Variants in MICAL3 observed in about 807,000 individuals in gnomAD.
The protein encoded by MICAL3 is [F-actin]-monooxygenase MICAL3.
In MICAL3, 62 loss-of-function variants were observed where a neutral mutation model predicts 207.4. The ratio of observed to expected loss-of-function variants is 0.30; its 90% confidence interval spans 0.24 to 0.37. MICAL3 has a LOEUF of 0.37. Among genes scored for constraint, MICAL3 ranks in the 10% least tolerant of loss-of-function variants. The pLI is 1.00. For synonymous variants in MICAL3, 1,077 were observed against 1,069.3 expected (o/e 1.01, Z -0.14); for missense variants, 2,368 against 2,635.6 (o/e 0.90, Z 2.22).
intron 19 of MICAL3, among the ~76,000 whole-genome samples, chr22:17,854,041 T>C (rs1276850007): frequency 1.3e-5 from 2 of 152,170 alleles, no homozygotes; most frequent in South Asian, 4.1e-4. Context: ...CACCATCCTC[T>C]ATCCTGATGG....
chr22:17,961,422 C>A (rs1934908173), intron 1 of MICAL3, among the ~76,000 whole-genome samples: 1 of 152,162 alleles, frequency 6.6e-6, no homozygotes, highest in Non-Finnish European at 1.5e-5. Context: ...GCAACAGACA[C>A]CTAGTGGAGG....
intron 1 of MICAL3, among the ~76,000 whole-genome samples, chr22:17,993,839 C>A (rs1453695549): frequency 2.8e-5 from 2 of 72,444 alleles, no homozygotes; most frequent in African/African-American, 9.8e-5. Context: ...GAAGCGGTGA[C>A]CCCCCAGGAC....
rs1295915408 is a variant in MICAL3 at position 17,817,962 on chromosome 22, T to A, written c.4699A>T (p.Arg1567Trp). The A allele has an allele frequency of 6.2e-7, 1 of 1,612,414 alleles. No homozygotes were observed. The highest frequency in any genetic ancestry group is 2.2e-5 in the East Asian group (1 of 44,852). Residue 1567 changes from arginine to tryptophan, a missense_variant, in exon 26 of 32, where the codon AGG (arginine) becomes TGG (tryptophan). This residue lies in a region of MICAL3 where 1,770 missense variants were observed against 1,863.2 expected (regional missense o/e 0.95). Transcript: ENST00000441493. Reference sequence around the variant, plus strand: ...AGCGTCCCCTCCAGAGCAGGCAGCCTCCCGTTCTCCTTGGCCAGGGGCGGG... The same window carrying A: ...AGCGTCCCCTCCAGAGCAGGCAGCCACCCGTTCTCCTTGGCCAGGGGCGGG... The part of the protein sequence containing the change: ...RHPPLAKENG[R>W]LPALEGTLQP...
At chr22:18,002,431 G>A (rs1413889031) in intron 1 of MICAL3, among the ~76,000 whole-genome samples, 9 of 151,714 alleles carry the variant, frequency 5.9e-5, no homozygotes, top group Admixed American at 6.6e-5. Context: ...TCAGGAGCTC[G>A]AGGCCGGCCT....
At chr22:17,852,087 A>G (rs1050945190) in intron 19 of MICAL3, among the ~76,000 whole-genome samples, 4 of 152,168 alleles carry the variant, frequency 2.6e-5, no homozygotes, top group Non-Finnish European at 5.9e-5. Context: ...CCCTCCTGTG[A>G]GCAGCCACAC....
At chr22:17,859,286 T>TG (rs1910974620) in intron 19 of MICAL3, among the ~76,000 whole-genome samples, 1 of 152,222 alleles carries the variant, frequency 6.6e-6, no homozygotes, top group South Asian at 2.1e-4. Flanking sequence ...CCAAGAGAGC[T>TG]GCTTCAGGGG....
intron 24 of MICAL3, 27 bp from the exon 25 acceptor site, chr22:17,821,536 C>G: frequency 6.6e-7 from 1 of 1,523,882 alleles, no homozygotes; most frequent in Admixed American, 2.2e-5. Context: ...CAGGGACTTA[C>G]AAGAGGAAGC....
At position 17,818,654 on chromosome 22, in the gene MICAL3, C is replaced by A; in HGVS notation, c.4007G>T (p.Arg1336Leu). The A allele has an allele frequency of 1.2e-6, 2 of 1,613,646 alleles. No individual in the cohort carries two copies. Among genetic ancestry groups the A allele is most frequent in the African/African-American group, 1.3e-5 (1 of 75,066 alleles). ...GTCCACAGGTGTGAGCCCGAGGCTG[C>A]GGCGGATCTCCGCACTCTTCATCCA... ...EFWMKSAEIR[R>L]SLGLTPVDRS... The change falls in exon 26 of 32, where the codon CGC becomes CTC. Residue 1336 changes from arginine to leucine, a missense_variant. Arg to Leu is a moderately radical substitution (Grantham distance 102, BLOSUM62 -2). This residue lies in a region of MICAL3 where 1,770 missense variants were observed against 1,863.2 expected (regional missense o/e 0.95). Coordinates refer to ENST00000441493, the MANE Select transcript of MICAL3 (RefSeq NM_015241.3).
intron 16 of MICAL3, chr22:17,881,375 G>C: frequency 1.6e-6 from 2 of 1,260,576 alleles, no homozygotes; most frequent in African/African-American, 3.0e-5. Flanking sequence ...GGTTCTGGGA[G>C]GACTGAAGGG....
chr22:17,969,825 GT>G (rs1602316528), intron 1 of MICAL3, among the ~76,000 whole-genome samples: 1 of 152,226 alleles, frequency 6.6e-6, no homozygotes, highest in African/African-American at 2.4e-5. Flanking sequence ...GCTTCCTCAT[GT>G]TTTAGAGAGA....
At chr22:17,838,955 CTTTTTTTTTTTT>C (rs869097812) in intron 20 of MICAL3, among the ~76,000 whole-genome samples, 1 of 88,434 alleles carries the variant, frequency 1.1e-5, no homozygotes, top group East Asian at 3.2e-4. Flanking sequence ...CCCCTAGATG[CTTTTTTTTTTTT>C]TTTTTTTTTT....
At chr22:17,963,725 A>G (rs541598110) in intron 1 of MICAL3, among the ~76,000 whole-genome samples, 1 of 152,208 alleles carries the variant, frequency 6.6e-6, no homozygotes, top group African/African-American at 2.4e-5. Flanking sequence ...AGACACAGCT[A>G]CCCATGCTGA....
chr22:17,850,319 TA>T (rs750934890), intron 19 of MICAL3, among the ~76,000 whole-genome samples: 11 of 150,868 alleles, frequency 7.3e-5, no homozygotes, highest in Non-Finnish European at 1.5e-4. Context: ...AGGACACCGC[TA>T]GGGGGGACAA....
At chr22:17,865,847 T>A (rs190860307) in intron 18 of MICAL3, 77 bp downstream of exon 18, 2 of 1,218,790 alleles carry the variant, frequency 1.6e-6, no homozygotes, top group Admixed American at 3.4e-5. Context: ...CATTTGCAGG[T>A]TGGCCGCCCC....
At chr22:17,926,126 G>A (rs985563482) in intron 1 of MICAL3, among the ~76,000 whole-genome samples, 7 of 152,108 alleles carry the variant, frequency 4.6e-5, no homozygotes, top group Admixed American at 6.5e-5. Flanking sequence ...AGTAGAACAT[G>A]AGCAAAGATG....
At chr22:17,875,963 G>T (rs1054712171) in intron 16 of MICAL3, among the ~76,000 whole-genome samples, 1 of 152,140 alleles carries the variant, frequency 6.6e-6, no homozygotes, top group Non-Finnish European at 1.5e-5. Context: ...AGATTCTCCC[G>T]CCACCCTATC....
At chr22:17,994,182 T>C (rs1168652249) in intron 1 of MICAL3, among the ~76,000 whole-genome samples, 1 of 152,150 alleles carries the variant, frequency 6.6e-6, no homozygotes, top group African/African-American at 2.4e-5. Flanking sequence ...AGCCTGACAA[T>C]TCTCAGCCAC....
At chr22:17,828,003 G>A (rs1487443613) in intron 21 of MICAL3, among the ~76,000 whole-genome samples, 7 of 152,120 alleles carry the variant, frequency 4.6e-5, no homozygotes, top group Non-Finnish European at 1.0e-4. Context: ...CTCATTCAGT[G>A]TGACCTGGTC....
chr22:17,909,377 T>A (rs1464495620), intron 1 of MICAL3, among the ~76,000 whole-genome samples: 1 of 152,094 alleles, frequency 6.6e-6, no homozygotes, highest in Non-Finnish European at 1.5e-5. Context: ...ATACAAAAAT[T>A]AGCCAGGTGT....
Sources: allele counts gnomAD v4.1 joint callset (sites outside exome capture counted in the v4.1 genomes callset), GRCh38; gene constraint gnomAD v4.1.1; regional missense constraint gnomAD v4.1.1; transcripts MANE v1.5; gene names NCBI Gene and HGNC (gene_info 2026-07-23, HGNC 2026-07-21).